The following PRKACB variants were observed in gnomAD, a reference collection of about 807,000 sequenced individuals.
The protein encoded by PRKACB is cAMP-dependent protein kinase catalytic subunit beta.
In PRKACB, 16 loss-of-function variants were observed where a neutral mutation model predicts 51.4. The ratio of observed to expected loss-of-function variants is 0.31; its 90% CI spans 0.21 to 0.47. The LOEUF (loss-of-function observed/expected upper bound fraction) is 0.47. Among genes scored for constraint, PRKACB ranks in the 20% least tolerant of loss-of-function variants. The probability of loss-of-function intolerance (pLI) is 1.00; values close to 1 mark genes in which losing one functional copy is unlikely to be tolerated. For synonymous variants in PRKACB, 147 were observed against 154.4 expected (o/e 0.95, Z 0.35); for missense variants, 309 against 464.5 (o/e 0.67, Z 3.08).
intron 8 of PRKACB, among the ~76,000 whole-genome samples, chr1:84,203,328 C>A (rs1670666937): frequency 6.6e-6 from 1 of 151,942 alleles, no homozygotes; most frequent in African/African-American, 2.4e-5. Context: ...TGGTTTTTAG[C>A]AAACATGGAA....
intron 9 of PRKACB, among the ~76,000 whole-genome samples, chr1:84,219,055 A>G (rs1464791390): frequency 1.3e-5 from 2 of 152,122 alleles, no homozygotes; most frequent in African/African-American, 4.8e-5. Flanking sequence ...TTGGATGAAT[A>G]GTTTGCAAAT....
rs113599963 is a variant in PRKACB at position 84,154,058 on chromosome 1, C to T, written c.187+9510C>T. On this transcript the variant is annotated intron_variant, in intron 1 of 9. Transcript: ENST00000370685. ...TTATCTTTTGTCTTTTTTATAATAG[C>T]CATTCTAACAGATGTGAGGTAGTAG... Among the ~76,000 whole-genome samples the T allele has an allele frequency of 1.9e-3, 290 of 152,148 alleles. 3 individuals are homozygous for T. The highest frequency in any genetic ancestry group is 6.7e-3 in the African/African-American group (277 of 41,500).
intron 1 of PRKACB, among the ~76,000 whole-genome samples, chr1:84,088,110 A>AT (rs1283342490): frequency 1.3e-5 from 2 of 152,222 alleles, no homozygotes; most frequent in African/African-American, 2.4e-5. Context: ...TATAAGTTAA[A>AT]TTGATACACT....
chr1:84,233,945 C>T (rs1208004327), intron 9 of PRKACB, among the ~76,000 whole-genome samples: 8 of 150,444 alleles, frequency 5.3e-5, no homozygotes, highest in Admixed American at 1.3e-4. Context: ...AGCTTTGTTC[C>T]GTTGCTGGTG....
At chr1:84,198,522 G>T (rs1668826871) in intron 7 of PRKACB, among the ~76,000 whole-genome samples, 3 of 151,996 alleles carry the variant, frequency 2.0e-5, no homozygotes, top group African/African-American at 4.8e-5. Context: ...TTATAGAAGT[G>T]TTAAAATAAA....
intron 8 of PRKACB, 39 bp downstream of exon 8, chr1:84,202,844 A>G (rs780148171): frequency 1.3e-5 from 20 of 1,499,512 alleles, no homozygotes; most frequent in Middle Eastern, 1.7e-4. Context: ...TTATTACTGT[A>G]TATGAATTTT....
At chr1:84,150,279 A>G (rs1373698433) in intron 1 of PRKACB, among the ~76,000 whole-genome samples, 1 of 152,172 alleles carries the variant, frequency 6.6e-6, no homozygotes. Context: ...CTCTATCTCA[A>G]AATAAATTAA....
intron 8 of PRKACB, among the ~76,000 whole-genome samples, chr1:84,210,244 A>G (rs1211208621): frequency 6.6e-6 from 1 of 152,196 alleles, no homozygotes; most frequent in Non-Finnish European, 1.5e-5. Context: ...ATCCTAAACA[A>G]TAAATAATAT....
Position 84,236,304 on chromosome 1 carries a change from A to T in PRKACB, c.*999A>T, listed in dbSNP as rs1225727570. 1 of 152,628 alleles carries T rather than the reference A, an allele frequency of 6.6e-6. No homozygotes were observed. The highest frequency in any genetic ancestry group is 2.4e-5 in the African/African-American group (1 of 41,476). The allele number at this position is 152,628 out of a possible 1,614,324, so 9.5% of individuals were successfully genotyped here. On this transcript the variant is annotated 3_prime_UTR_variant, in exon 10 of 10. Coordinates refer to ENST00000370685, the MANE Select transcript of PRKACB (RefSeq NM_182948.4). The stretch of plus-strand genomic sequence containing the variant: ...ATACTTATACTTTGCAAAGTCAAAA[A>T]TGGCTTGATTTTTGGAAACAATATA...
At chr1:84,124,200 C>G (rs1241984855) in intron 1 of PRKACB, among the ~76,000 whole-genome samples, 2 of 152,096 alleles carry the variant, frequency 1.3e-5, no homozygotes, top group African/African-American at 2.4e-5. Context: ...TATAAACATG[C>G]AATTACTACA....
chr1:84,229,200 C>G (rs1268797562), intron 9 of PRKACB, among the ~76,000 whole-genome samples: 1 of 144,510 alleles, frequency 6.9e-6, no homozygotes, highest in Non-Finnish European at 1.5e-5. Flanking sequence ...TTTGTTCTTG[C>G]GATAGTTTAC....
intron 8 of PRKACB, among the ~76,000 whole-genome samples, chr1:84,204,151 C>G (rs1670919761): frequency 6.6e-6 from 1 of 151,966 alleles, no homozygotes; most frequent in African/African-American, 2.4e-5. Context: ...TTCCCTATCT[C>G]ATAGTACATA....
chr1:84,228,509 G>A (rs1402993640), intron 9 of PRKACB, among the ~76,000 whole-genome samples: 1 of 86,728 alleles, frequency 1.2e-5, no homozygotes. Flanking sequence ...AGGCTGTGCA[G>A]ATTATGATTT....
chr1:84,229,383 A>T (rs12069614), intron 9 of PRKACB, among the ~76,000 whole-genome samples: 837 of 58,010 alleles, frequency 0.014, 5 homozygotes, highest in African/African-American at 0.022. Context: ...ATAATGCCGC[A>T]ATAAACATAC....
At chr1:84,119,961 T>C (rs569887787) in intron 1 of PRKACB, among the ~76,000 whole-genome samples, 1 of 152,198 alleles carries the variant, frequency 6.6e-6, no homozygotes, top group East Asian at 1.9e-4. Context: ...ATACTCAATA[T>C]GCAAATTACA....
upstream of PRKACB, among the ~76,000 whole-genome samples, chr1:84,139,942 C>T (rs1429259267): frequency 1.3e-5 from 2 of 152,086 alleles, no homozygotes; most frequent in Non-Finnish European, 1.5e-5. Context: ...CATCTGTAGT[C>T]CCAGCTACTT....
At chr1:84,188,686 C>T (rs938908951) in intron 5 of PRKACB, among the ~76,000 whole-genome samples, 1 of 151,700 alleles carries the variant, frequency 6.6e-6, no homozygotes, top group African/African-American at 2.4e-5. Context: ...TATACAATCT[C>T]TTATATAATT....
At chr1:84,138,876 A>G (rs1028687593) in intron 1 of PRKACB, among the ~76,000 whole-genome samples, 1 of 152,212 alleles carries the variant, frequency 6.6e-6, no homozygotes, top group African/African-American at 2.4e-5. Context: ...AGCTGGTTCA[A>G]TATTTGAAAA....
At chr1:84,199,987 C>T (rs753714021) in intron 7 of PRKACB, among the ~76,000 whole-genome samples, 10 of 151,806 alleles carry the variant, frequency 6.6e-5, no homozygotes, top group Middle Eastern at 6.3e-3. Context: ...CTGGGACTAC[C>T]GGCATGCACT....
Sources: allele counts gnomAD v4.1 joint callset (sites outside exome capture counted in the v4.1 genomes callset), GRCh38; gene constraint gnomAD v4.1.1; transcripts MANE v1.5; gene names NCBI Gene and HGNC (gene_info 2026-07-23, HGNC 2026-07-21).